The following PPP2R3A variants were observed in gnomAD, a reference collection of about 807,000 sequenced individuals.
PPP2R3A encodes the protein protein phosphatase 2 regulatory subunit B''alpha.
PPP2R3A carries 80 observed loss-of-function variants against 106.9 expected under a neutral mutation model. The observed-to-expected ratio is 0.75, with a 90% CI of 0.62 to 0.90. The LOEUF (loss-of-function observed/expected upper bound fraction) is 0.90. Among genes scored for constraint, PPP2R3A ranks in the 40% least tolerant of loss-of-function variants. The pLI, the probability that PPP2R3A is intolerant of heterozygous loss-of-function variation, is 0.00. For synonymous variants in PPP2R3A, 483 were observed against 468.3 expected, an observed-to-expected ratio of 1.03 and a Z score of -0.41; for missense variants, 1,386 against 1,350.4, an observed-to-expected ratio of 1.03 and a Z score of -0.41.
chr3:135,966,301 C>T (rs1937082822), intron 1 of PPP2R3A, among the ~76,000 whole-genome samples: 1 of 152,212 alleles, frequency 6.6e-6, no homozygotes, highest in Admixed American at 6.5e-5. Context: ...CTGAGGCTTT[C>T]TTTTCCTTCC....
At chr3:136,032,985 C>T (rs918017756) in intron 3 of PPP2R3A, among the ~76,000 whole-genome samples, 11 of 152,116 alleles carry the variant, frequency 7.2e-5, no homozygotes, top group African/African-American at 2.7e-4. Flanking sequence ...CCACTTTTCC[C>T]AATTCAGTAT....
chr3:136,107,625 T>C (rs1251151479), intron 13 of PPP2R3A, among the ~76,000 whole-genome samples: 1 of 152,102 alleles, frequency 6.6e-6, no homozygotes, highest in Admixed American at 6.6e-5. Flanking sequence ...CTACCATTCA[T>C]TAAATATTAT....
At chr3:136,020,376 C>A (rs1934423297) in intron 2 of PPP2R3A, among the ~76,000 whole-genome samples, 1 of 151,980 alleles carries the variant, frequency 6.6e-6, no homozygotes, top group African/African-American at 2.4e-5. Flanking sequence ...ATTTAGAGTT[C>A]TGTGACATAT....
At chr3:136,034,039 CTTT>C (rs71157353) in intron 3 of PPP2R3A, among the ~76,000 whole-genome samples, 2 of 131,378 alleles carry the variant, frequency 1.5e-5, no homozygotes, top group African/African-American at 2.8e-5. Context: ...TTTTCTTTTT[CTTT>C]TTTTTTTTTT....
chr3:136,077,818 A>G (rs1405567000), intron 6 of PPP2R3A, among the ~76,000 whole-genome samples: 2 of 152,186 alleles, frequency 1.3e-5, no homozygotes, highest in Non-Finnish European at 2.9e-5. Flanking sequence ...CTAATAACAA[A>G]GATGTTCATG....
rs147303033 is a variant in PPP2R3A at position 136,004,451 on chromosome 3, C to G, written c.1995+958C>G. 1.6e-4 allele frequency among the ~76,000 whole-genome samples: 25 copies of G among 152,282 alleles called. No individual in the cohort carries two copies. In the East Asian group the frequency reaches 4.3e-3, roughly 26 times the overall value. ...GGGAACAAAGGGGTGATGCTTTTAA[C>G]TGCCTTGTCCCAAACTTGGACACAC... On this transcript the variant is annotated intron_variant, in intron 2 of 13. Transcript: ENST00000264977.
chr3:136,068,656 C>T (rs55939279), intron 5 of PPP2R3A, among the ~76,000 whole-genome samples: 1,733 of 152,294 alleles, frequency 0.011, 16 homozygotes, highest in Non-Finnish European at 0.019. Context: ...CAGGCATAAT[C>T]TAACAATAGA....
intron 2 of PPP2R3A, among the ~76,000 whole-genome samples, chr3:136,004,951 A>T (rs1933790588): frequency 6.6e-6 from 1 of 152,210 alleles, no homozygotes; most frequent in African/African-American, 2.4e-5. Flanking sequence ...CAAGTTACAT[A>T]TTAGGCTTCT....
intron 1 of PPP2R3A, among the ~76,000 whole-genome samples, chr3:135,986,940 C>T (rs145754308): frequency 0.011 from 1,655 of 152,208 alleles, 25 homozygotes; most frequent in African/African-American, 0.033. Context: ...TGTTCTGTTG[C>T]TTATTTTTCA....
intron 4 of PPP2R3A, among the ~76,000 whole-genome samples, chr3:136,047,692 G>A (rs780904010): frequency 7.9e-5 from 12 of 152,104 alleles, no homozygotes; most frequent in Non-Finnish European, 1.6e-4. Flanking sequence ...ACGAGGTCAG[G>A]AGATCGATAC....
At chr3:136,108,774 T>C (rs1334788726) in intron 13 of PPP2R3A, among the ~76,000 whole-genome samples, 1 of 152,036 alleles carries the variant, frequency 6.6e-6, no homozygotes, top group Non-Finnish European at 1.5e-5. Flanking sequence ...TCAGCATGCC[T>C]CAGTAAAATT....
At chr3:135,993,758 T>C (rs1933273323) in intron 1 of PPP2R3A, among the ~76,000 whole-genome samples, 1 of 152,216 alleles carries the variant, frequency 6.6e-6, no homozygotes. Flanking sequence ...TACTCAGCAG[T>C]GTAAAGGAAT....
intron 2 of PPP2R3A, among the ~76,000 whole-genome samples, chr3:136,008,773 C>G (rs1020814958): frequency 6.6e-6 from 1 of 152,144 alleles, no homozygotes; most frequent in Non-Finnish European, 1.5e-5. Context: ...CTCTCCCAGC[C>G]TCCACTCCAC....
At position 136,147,599 on chromosome 3, in the gene PPP2R3A, C is replaced by T. The variant is rs968461435; in HGVS notation, c.*2433C>T. On this transcript the variant is annotated 3_prime_UTR_variant, in exon 14 of 14. Coordinates refer to ENST00000264977, the MANE Select transcript of PPP2R3A (RefSeq NM_002718.5). ...ATCATTACTGCCAAACTGGAATTTTCAAGTTATTATAATATCCCAGGCCCC... is the reference window on the plus strand; with the variant it reads ...ATCATTACTGCCAAACTGGAATTTTTAAGTTATTATAATATCCCAGGCCCC... The T allele has an allele frequency of 6.6e-6, 1 of 152,594 alleles. No individual in the cohort carries two copies. Among genetic ancestry groups the T allele is most frequent in the African/African-American group, 2.4e-5 (1 of 41,428 alleles). The allele number at this position is 152,594 out of a possible 1,614,324, so 9.5% of individuals were successfully genotyped here.
intron 13 of PPP2R3A, among the ~76,000 whole-genome samples, chr3:136,111,227 A>G (rs1937586646): frequency 6.6e-6 from 1 of 152,194 alleles, no homozygotes; most frequent in Admixed American, 6.5e-5. Flanking sequence ...ATAAGAGAGA[A>G]AAAGGAATTG....
At chr3:136,132,695 G>A (rs138800896) in intron 13 of PPP2R3A, among the ~76,000 whole-genome samples, 12 of 151,772 alleles carry the variant, frequency 7.9e-5, no homozygotes, top group African/African-American at 1.2e-4. Flanking sequence ...ATCGATGTAC[G>A]GATTTAACAT....
chr3:136,135,165 G>A lies in PPP2R3A; in HGVS notation c.3330-9878G>A, dbSNP rs149008085. On this transcript the variant is annotated intron_variant, in intron 13 of 13. Transcript: ENST00000264977. ...GTGAGGAGGGGTCACAAGAGGAGAC[G>A]CAGAGACCAGCTGGAGTGAAATTCA... 1.7e-3 allele frequency among the ~76,000 whole-genome samples: 263 copies of A among 152,220 alleles called. 4 individuals carry two copies. In the East Asian group the frequency reaches 0.026, roughly 15 times the overall value.
intron 1 of PPP2R3A, among the ~76,000 whole-genome samples, chr3:135,973,883 A>G (rs908037757): frequency 1.3e-5 from 2 of 152,014 alleles, no homozygotes; most frequent in African/African-American, 4.8e-5. Flanking sequence ...TTCCCCTCTC[A>G]ATTTGTTTTC....
At chr3:136,064,757 T>G (rs1277967444) in intron 5 of PPP2R3A, among the ~76,000 whole-genome samples, 1 of 152,212 alleles carries the variant, frequency 6.6e-6, no homozygotes, top group African/African-American at 2.4e-5. Flanking sequence ...TTAACCTCAA[T>G]GTCAGAAACA....
Sources: gnomAD v4.1 joint callset for allele counts (sites outside exome capture counted in the v4.1 genomes callset) on GRCh38, gnomAD v4.1.1 for gene constraint, MANE v1.5 for transcripts, NCBI Gene and HGNC (gene_info 2026-07-23, HGNC 2026-07-21) for gene names.